SMAD9: variants seen among roughly 807,000 people sequenced by gnomAD.
SMAD9 encodes the protein SMAD family member 9.
A neutral mutation model predicts 46.1 loss-of-function variants in SMAD9; 36 were observed. That is an observed-to-expected ratio of 0.78 (90% CI 0.60 to 1.03). SMAD9 has a LOEUF of 1.03. Ranked by LOEUF, SMAD9 falls within the 50% of genes least tolerant of loss-of-function variation. SMAD9 has a pLI of 0.00. For missense variants in SMAD9, 572 were observed against 599.8 expected, an observed-to-expected ratio of 0.95 and a Z score of 0.48; for synonymous variants, 245 against 237.1, an observed-to-expected ratio of 1.03 and a Z score of -0.31.
intron 6 of SMAD9, among the ~76,000 whole-genome samples, chr13:36,851,295 G>C (rs2058072872): frequency 1.3e-5 from 2 of 152,106 alleles, no homozygotes; most frequent in Middle Eastern, 3.2e-3. Flanking sequence ...CCAGGTGTAT[G>C]CTGTTGCCTT....
At chr13:36,870,598 G>C (rs1396065562) in intron 3 of SMAD9, among the ~76,000 whole-genome samples, 2 of 124,422 alleles carry the variant, frequency 1.6e-5, no homozygotes, top group Non-Finnish European at 3.5e-5. Flanking sequence ...ACTGACTCCT[G>C]AAGGTCAGAG....
rs114054853 is a variant in SMAD9, at chr13:36,852,600, C to A, written c.1260+819G>T. 1,304 of 981,488 alleles carry A rather than the reference C, an allele frequency of 1.3e-3. 12 individuals carry two copies. The African/African-American group carries it at 0.02, about 15-fold the overall frequency. The allele number at this position is 981,488 out of a possible 1,614,324, so 60.8% of individuals were successfully genotyped here. ...CTCTCTGAATTAATCACACCCGTTT[C>A]TATTCCAAATTGTTTATACCTTTAT... is the stretch of plus-strand genomic sequence containing the variant. On this transcript the variant is annotated intron_variant, in intron 6 of 6. Transcript: ENST00000379826.
intron 1 of SMAD9, among the ~76,000 whole-genome samples, chr13:36,883,374 C>G (rs1488643844): frequency 6.6e-6 from 1 of 152,214 alleles, no homozygotes; most frequent in Non-Finnish European, 1.5e-5. Context: ...GTGAGCCCAA[C>G]CTGAGGGGGC....
intron 5 of SMAD9, among the ~76,000 whole-genome samples, chr13:36,864,801 C>T (rs1396846424): frequency 2.0e-5 from 3 of 152,162 alleles, no homozygotes; most frequent in Admixed American, 6.5e-5. Context: ...GCTCCCTTCC[C>T]GAGGTGGCTT....
At chr13:36,901,201 T>C (rs1277078104) in intron 1 of SMAD9, among the ~76,000 whole-genome samples, 1 of 152,232 alleles carries the variant, frequency 6.6e-6, no homozygotes, top group African/African-American at 2.4e-5. Context: ...AGGAGTGGAA[T>C]TGCTGGGTCA....
chr13:36,874,390 C>G (rs947421290), intron 2 of SMAD9, among the ~76,000 whole-genome samples: 1 of 152,216 alleles, frequency 6.6e-6, no homozygotes, highest in African/African-American at 2.4e-5. Flanking sequence ...CCTCAACTTC[C>G]CACTCTAACC....
At chr13:36,909,983 G>C (rs1054107006) in intron 1 of SMAD9, among the ~76,000 whole-genome samples, 2 of 152,074 alleles carry the variant, frequency 1.3e-5, no homozygotes, top group Admixed American at 1.3e-4. Flanking sequence ...GGATCACGAG[G>C]TCAGGAGATC....
chr13:36,856,866 G>A (rs980511593), intron 5 of SMAD9, among the ~76,000 whole-genome samples: 8 of 149,606 alleles, frequency 5.3e-5, no homozygotes, highest in Non-Finnish European at 3.0e-5. Context: ...GGGGTGGCGC[G>A]ATCTCGGCTC....
intron 1 of SMAD9, among the ~76,000 whole-genome samples, chr13:36,892,148 T>C (rs1199456740): frequency 6.6e-6 from 1 of 152,180 alleles, no homozygotes; most frequent in East Asian, 1.9e-4. Flanking sequence ...TACCACTGAC[T>C]TGAAAACTTA....
chr13:36,898,220 G>C (rs1871772471), intron 1 of SMAD9, among the ~76,000 whole-genome samples: 1 of 151,806 alleles, frequency 6.6e-6, no homozygotes, highest in African/African-American at 2.4e-5. Flanking sequence ...AACATAGTTG[G>C]TCTACACAGA....
chr13:36,912,069 C>T (rs1366636972), intron 1 of SMAD9, among the ~76,000 whole-genome samples: 1 of 152,202 alleles, frequency 6.6e-6, no homozygotes, highest in Non-Finnish European at 1.5e-5. Context: ...GGTGTGTCAA[C>T]TGCTTAGCTA....
At chr13:36,849,560 T>C (rs1000820056) in intron 6 of SMAD9, 4 of 152,170 alleles carry the variant, frequency 2.6e-5, no homozygotes, top group African/African-American at 9.6e-5. Context: ...GGACCTGTGA[T>C]GTCCCCGGCA....
At chr13:36,908,166 A>G (rs570046347) in intron 1 of SMAD9, among the ~76,000 whole-genome samples, 2 of 152,326 alleles carry the variant, frequency 1.3e-5, no homozygotes, top group Admixed American at 1.3e-4. Context: ...TAAAAAGGGG[A>G]GAAAATATGG....
At chr13:36,869,464 C>T (rs140099299) in intron 3 of SMAD9, among the ~76,000 whole-genome samples, 2,725 of 152,122 alleles carry the variant, frequency 0.018, 32 homozygotes, top group Non-Finnish European at 0.028. Flanking sequence ...TCAAGTGATC[C>T]GCCTGCCTAA....
At chr13:36,852,749 A>G (rs2138278643) in intron 6 of SMAD9, among the ~76,000 whole-genome samples, 1 of 152,326 alleles carries the variant, frequency 6.6e-6, no homozygotes, top group African/African-American at 2.4e-5. Context: ...ATCTTACTGA[A>G]TTCAGATAAA....
At chr13:36,871,333 C>A (rs1233293380) in intron 3 of SMAD9, among the ~76,000 whole-genome samples, 2 of 152,124 alleles carry the variant, frequency 1.3e-5, no homozygotes, top group Non-Finnish European at 2.9e-5. Flanking sequence ...GCCTGGCCAA[C>A]ATGGTGAAAC....
At chr13:36,893,862 C>G (rs1378214703) in intron 1 of SMAD9, among the ~76,000 whole-genome samples, 1 of 151,990 alleles carries the variant, frequency 6.6e-6, no homozygotes, top group Non-Finnish European at 1.5e-5. Context: ...GTATGTTATA[C>G]TGTCATATTA....
intron 1 of SMAD9, among the ~76,000 whole-genome samples, chr13:36,909,454 T>C (rs1477457537): frequency 2.0e-5 from 3 of 152,234 alleles, no homozygotes; most frequent in South Asian, 2.1e-4. Flanking sequence ...GTTTCTAGTA[T>C]TGCAACCTAC....
At chr13:36,855,055 G>C (rs1284137527) in intron 5 of SMAD9, among the ~76,000 whole-genome samples, 1 of 151,968 alleles carries the variant, frequency 6.6e-6, no homozygotes, top group African/African-American at 2.4e-5. Context: ...CAAGGTAGGT[G>C]AATCACTTGA....
Sources: allele counts gnomAD v4.1 joint callset (sites outside exome capture counted in the v4.1 genomes callset), GRCh38; gene constraint gnomAD v4.1.1; transcripts MANE v1.5; gene names NCBI Gene and HGNC (gene_info 2026-07-23, HGNC 2026-07-21).